NAV2: variants seen among roughly 807,000 people sequenced by gnomAD.
NAV2 encodes the protein helicase, APC down-regulated 1.
A neutral mutation model predicts 223.2 loss-of-function variants in NAV2; 54 were observed. The observed-to-expected ratio is 0.24, with a 90% confidence interval of 0.19 to 0.30. NAV2 has a LOEUF of 0.30. Ranked by LOEUF, NAV2 falls within the 10% of genes least tolerant of loss-of-function variation. The pLI is 1.00. For synonymous variants in NAV2, 1,279 were observed against 1,239.3 expected (o/e 1.03, Z -0.67); for missense variants, 2,806 against 3,147.5 (o/e 0.89, Z 2.60).
At chr11:19,560,687 G>A (rs1186177128) in intron 1 of NAV2, among the ~76,000 whole-genome samples, 3 of 152,186 alleles carry the variant, frequency 2.0e-5, no homozygotes. Flanking sequence ...AGAATAATTA[G>A]CTATATGGCC....
At chr11:19,357,042 T>G (rs1853661910) in intron 1 of NAV2, among the ~76,000 whole-genome samples, 1 of 152,212 alleles carries the variant, frequency 6.6e-6, no homozygotes, top group South Asian at 2.1e-4. Context: ...CTGAATTTAC[T>G]TTGGCTTTGC....
chr11:19,934,795 T>C (rs561990225), intron 7 of NAV2, among the ~76,000 whole-genome samples: 20 of 144,788 alleles, frequency 1.4e-4, no homozygotes, highest in East Asian at 2.1e-4. Context: ...GAGAGGGACA[T>C]TGGGGAGAAG....
the NAV2 span, among the ~76,000 whole-genome samples, chr11:19,345,707 C>A: frequency 6.6e-6 from 1 of 152,278 alleles, no homozygotes; most frequent in Non-Finnish European, 1.5e-5. The surrounding 1 kb of genome is among the most constrained non-coding windows in gnomAD (Gnocchi z 5.2). Context: ...TGCTCCGAGG[C>A]TGCTCTGCGA....
intron 1 of NAV2, among the ~76,000 whole-genome samples, chr11:19,377,560 T>A (rs1007800862): frequency 6.6e-6 from 1 of 152,156 alleles, no homozygotes; most frequent in African/African-American, 2.4e-5. Flanking sequence ...AATTCTTATT[T>A]CCATATTCCC....
chr11:19,666,432 GC>G (rs1184401516), intron 1 of NAV2, among the ~76,000 whole-genome samples: 1 of 152,154 alleles, frequency 6.6e-6, no homozygotes, highest in Non-Finnish European at 1.5e-5. Context: ...TCCTCCAGCA[GC>G]CGTAGGCAGC....
At chr11:19,531,824 T>A (rs1041077478) in intron 1 of NAV2, among the ~76,000 whole-genome samples, 6 of 152,174 alleles carry the variant, frequency 3.9e-5, no homozygotes, top group African/African-American at 1.4e-4. Flanking sequence ...TTTTATTTAC[T>A]ACCAAGAAAA....
intron 37 of NAV2, among the ~76,000 whole-genome samples, chr11:20,116,768 G>A (rs1330775205): frequency 6.6e-6 from 1 of 152,162 alleles, no homozygotes; most frequent in Non-Finnish European, 1.5e-5. Context: ...TAGATATTTG[G>A]TATTTCTCCT....
chr11:19,841,414 A>G (rs184111721), intron 2 of NAV2, among the ~76,000 whole-genome samples: 20 of 152,246 alleles, frequency 1.3e-4, no homozygotes, highest in South Asian at 1.2e-3. Flanking sequence ...ACAGTTTCCA[A>G]TGGCTTTTCT....
chr11:19,788,686 G>T (rs1218109142), intron 1 of NAV2, among the ~76,000 whole-genome samples: 1 of 152,094 alleles, frequency 6.6e-6, no homozygotes, highest in Non-Finnish European at 1.5e-5. Flanking sequence ...TACCTCCTTT[G>T]GTTGCTCACC....
Position 19,440,555 on chromosome 11 carries a change from CTCTAGTCATTCAT to C in NAV2, c.75+89532_75+89544del, listed in dbSNP as rs532979531. 1.3e-4 allele frequency among the ~76,000 whole-genome samples: 20 copies of C among 152,264 alleles called. No individual in the cohort carries two copies. The East Asian group carries it at 3.7e-3, about 28-fold the overall frequency. On this transcript the variant is annotated intron_variant, in intron 1 of 37. Coordinates refer to the NAV2 transcript ENST00000360655. ...ATTGTCTCATGGGAGTCTTATATAA[CTCTAGTCATTCAT>C]TCTTGCATTGAACATTTATTTGGTA...
At chr11:19,948,275 G>A (rs1043449313) in intron 9 of NAV2, among the ~76,000 whole-genome samples, 1 of 152,014 alleles carries the variant, frequency 6.6e-6, no homozygotes, top group African/African-American at 2.4e-5. Flanking sequence ...TAGTAGAGAT[G>A]GGGTTTCACC....
chr11:19,973,902 C>T (rs541913948), intron 10 of NAV2, among the ~76,000 whole-genome samples: 1 of 152,346 alleles, frequency 6.6e-6, no homozygotes, highest in South Asian at 2.1e-4. Context: ...GAGTTTCCAA[C>T]AGTCGGACTG....
chr11:19,411,015 C>T (rs2133392907), intron 1 of NAV2, among the ~76,000 whole-genome samples: 1 of 152,206 alleles, frequency 6.6e-6, no homozygotes, highest in East Asian at 1.9e-4. Context: ...GGGAAAGGCT[C>T]CCCTATCTCC....
At chr11:20,055,522 TG>T (rs1320019808) in intron 18 of NAV2, among the ~76,000 whole-genome samples, 1 of 152,226 alleles carries the variant, frequency 6.6e-6, no homozygotes, top group African/African-American at 2.4e-5. Flanking sequence ...CTGGCCTGTC[TG>T]AACGTGCCAA....
chr11:20,062,288 T>C lies in NAV2; in HGVS notation c.4832-19T>C, dbSNP rs760140215. The C allele has an allele frequency of 6.3e-7, 1 of 1,591,910 alleles. No homozygotes were observed. Among genetic ancestry groups the C allele is most frequent in the Admixed American group, 1.7e-5 (1 of 58,766 alleles). On this transcript the variant is annotated intron_variant, in intron 19 of 37. Coordinates refer to ENST00000349880, the MANE Select transcript of NAV2 (RefSeq NM_145117.5). ...ATAACAGCCATCTATCAATTCACCT[T>C]TTTTTTTTCTTTTAATAGTTCATGG...
intron 4 of NAV2, among the ~76,000 whole-genome samples, chr11:19,870,722 A>G (rs2062428904): frequency 6.6e-6 from 1 of 152,226 alleles, no homozygotes. Context: ...GTTGGAGTTT[A>G]TAACAGCCTC....
rs2063442283 is a variant in NAV2 at position 20,120,896 on chromosome 11, G to A, written c.*2638G>A. The stretch of plus-strand genomic sequence containing the variant: ...GCTCTATCGGAAATGCTTCCATTTT[G>A]CCTTTTCTACAGTTAGGCCAATTTT... On this transcript the variant is annotated 3_prime_UTR_variant, in exon 38 of 38. Coordinates refer to ENST00000349880, the MANE Select transcript of NAV2 (RefSeq NM_145117.5). The A allele has an allele frequency of 6.6e-6, 1 of 152,568 alleles. No individual in the cohort carries two copies. The highest frequency in any genetic ancestry group is 1.5e-5 in the Non-Finnish European group (1 of 68,028). The allele number at this position is 152,568 out of a possible 1,614,324, so 9.5% of individuals were successfully genotyped here.
chr11:19,628,431 A>G (rs528924093), intron 1 of NAV2, among the ~76,000 whole-genome samples: 2 of 152,332 alleles, frequency 1.3e-5, no homozygotes, highest in South Asian at 2.1e-4. Flanking sequence ...CAATCAGGGC[A>G]CACTCGTACA....
At chr11:20,099,442 A>C (rs2061484950) in intron 31 of NAV2, among the ~76,000 whole-genome samples, 1 of 152,216 alleles carries the variant, frequency 6.6e-6, no homozygotes, top group African/African-American at 2.4e-5. Flanking sequence ...GACCAGGCCA[A>C]GCCTCTCTAG....
Sources: gnomAD v4.1 joint callset for allele counts (sites outside exome capture counted in the v4.1 genomes callset) on GRCh38, gnomAD v4.1.1 for gene constraint, Gnocchi (gnomAD v3.1) non-coding constraint, MANE v1.5 for transcripts, NCBI Gene and HGNC (gene_info 2026-07-23, HGNC 2026-07-21) for gene names.